SLA: variants seen among roughly 807,000 people sequenced by gnomAD.
The protein encoded by SLA is src-like-adapter.
SLA carries 16 observed loss-of-function variants against 30.3 expected under a neutral mutation model. That is an observed-to-expected ratio of 0.53 (90% CI 0.36 to 0.80). The LOEUF (loss-of-function observed/expected upper bound fraction) is 0.80. Ranked by LOEUF, SLA falls within the 30% of genes least tolerant of loss-of-function variation. The probability of loss-of-function intolerance (pLI) is 0.01; values close to 1 mark genes in which losing one functional copy is unlikely to be tolerated. For synonymous variants in SLA, 143 were observed against 137.8 expected, an observed-to-expected ratio of 1.04 and a Z score of -0.26; for missense variants, 310 against 345.2, an observed-to-expected ratio of 0.90 and a Z score of 0.81.
At chr8:133,091,820 A>T (rs958361381) in intron 1 of SLA, among the ~76,000 whole-genome samples, 2 of 151,100 alleles carry the variant, frequency 1.3e-5, no homozygotes, top group African/African-American at 4.9e-5. Context: ...CCATGAGTGT[A>T]TGCCTGTGAG....
At chr8:133,071,860 G>T (rs1024263714) in intron 2 of SLA, among the ~76,000 whole-genome samples, 5 of 152,164 alleles carry the variant, frequency 3.3e-5, no homozygotes, top group Non-Finnish European at 7.3e-5. Flanking sequence ...AACTTTCTTA[G>T]GATAGGGTTC....
rs1226086471 is a variant in SLA at position 133,059,999 on chromosome 8, T to C, written c.61+101A>G. 4 of 1,190,924 alleles carry C rather than the reference T, an allele frequency of 3.4e-6. No individual in the cohort carries two copies. In the Admixed American group the frequency reaches 7.9e-5, roughly 23 times the overall value. 73.8% of individuals were successfully genotyped at this position (1,190,924 alleles called of 1,614,324 possible). A position where few individuals can be genotyped will look rare whatever the true frequency, so the allele number is the denominator to read the frequency against. On this transcript the variant is annotated intron_variant, in intron 3 of 8. Transcript: ENST00000338087. ...GATATAATGAGCCCTTCGGTACCCA[T>C]TGCCCCATTTAAGTAGTTACCGGCA...
chr8:133,072,408 G>A (rs939378348), intron 2 of SLA, among the ~76,000 whole-genome samples: 9 of 152,086 alleles, frequency 5.9e-5, no homozygotes, highest in African/African-American at 2.2e-4. Context: ...TGACCTCAAT[G>A]GATATTTTAT....
chr8:133,052,359 T>C (rs1840573566), intron 3 of SLA, among the ~76,000 whole-genome samples: 1 of 152,224 alleles, frequency 6.6e-6, no homozygotes, highest in Non-Finnish European at 1.5e-5. Context: ...CAATAAGCCA[T>C]GTAAAAGCAA....
rs191605668 is a variant in SLA at position 133,038,917 on chromosome 8, G to A, written c.618-180C>T. 2.6e-3 allele frequency among the ~76,000 whole-genome samples: 401 copies of A among 152,242 alleles called. 1 individual carries two copies. The highest frequency in any genetic ancestry group is 3.9e-3 in the Non-Finnish European group (264 of 68,020). ...TTTTAAGATGGAGTCTCGCTCTGTT[G>A]CCCAGGCTGGAGTGCAGTGGTGCAA... On this transcript the variant is annotated intron_variant, in intron 8 of 8. Coordinates refer to ENST00000338087, the MANE Select transcript of SLA (RefSeq NM_001045556.3).
Position 133,038,226 on chromosome 8 carries a change from T to G in SLA, c.*298A>C. Reference sequence around the variant, plus strand: ...GGTGCCCTTTCTTGTGAGAGTGGCTTTGTCCTTCCCACACACACAATGTGT... The same window carrying G: ...GGTGCCCTTTCTTGTGAGAGTGGCTGTGTCCTTCCCACACACACAATGTGT... On this transcript the variant is annotated 3_prime_UTR_variant, in exon 9 of 9. Transcript: ENST00000338087. The G allele has an allele frequency of 2.5e-6, 1 of 402,764 alleles. No homozygotes were observed. The allele number at this position is 402,764 out of a possible 1,614,324, so 24.9% of individuals were successfully genotyped here.
chr8:133,093,840 T>G (rs1847972563), intron 1 of SLA, among the ~76,000 whole-genome samples: 1 of 152,142 alleles, frequency 6.6e-6, no homozygotes, highest in Admixed American at 6.5e-5. Flanking sequence ...CTAACATAAC[T>G]GTTACATGGG....
At chr8:133,095,074 A>T (rs1454918638) in intron 1 of SLA, 1 of 1,614,130 alleles carries the variant, frequency 6.2e-7, no homozygotes. Flanking sequence ...GGCCGCCGTC[A>T]TCAGCCATGA....
At chr8:133,075,423 C>G (rs1844715756) in intron 1 of SLA, among the ~76,000 whole-genome samples, 1 of 152,114 alleles carries the variant, frequency 6.6e-6, no homozygotes, top group Non-Finnish European at 1.5e-5. Context: ...TAAAGAGACA[C>G]AATGACTTGG....
chr8:133,053,076 C>T lies in SLA; in HGVS notation c.62-2161G>A, dbSNP rs2739181. On this transcript the variant is annotated intron_variant, in intron 3 of 8. Transcript: ENST00000338087. ...CAGGCACCCTGGTTCTCAGAGCCTC[C>T]GGATAGGCTGTTCCCTCTGCCTGGA... Among the ~76,000 whole-genome samples, 1,388 of 152,290 alleles carry T rather than the reference C, an allele frequency of 9.1e-3. 25 individuals are homozygous for T. The highest frequency in any genetic ancestry group is 0.035 in the South Asian group (169 of 4,820).
At chr8:133,043,099 C>A (rs1838627713) in intron 7 of SLA, among the ~76,000 whole-genome samples, 1 of 152,108 alleles carries the variant, frequency 6.6e-6, no homozygotes, top group African/African-American at 2.4e-5. Context: ...TTACCCTTTT[C>A]AGTTATTCAC....
intron 1 of SLA, chr8:133,094,722 C>T (rs577897511): frequency 2.5e-5 from 10 of 407,938 alleles, no homozygotes; most frequent in Middle Eastern, 7.8e-4. Flanking sequence ...CCACAATCTC[C>T]GATCCTCTTA....
Position 133,045,018 on chromosome 8 carries a change from G to C in SLA, c.450C>G (p.Phe150Leu). The C allele has an allele frequency of 6.2e-7, 1 of 1,614,164 alleles. No individual in the cohort carries two copies. Among genetic ancestry groups the C allele is most frequent in the South Asian group, 1.1e-5 (1 of 91,078 alleles). ...NWYYISPRLT[F>L]QCLEDLVNHY... ...GGTTCACCAGGTCCTCCAGGCACTG[G>C]AAGGTGAGCCTCGGGGAAATGTAGT... The change falls in exon 7 of 9, where the codon TTC (phenylalanine) becomes TTG (leucine). Residue 150 changes from phenylalanine to leucine, a missense_variant. Transcript: ENST00000338087.
rs555888852 is a variant in SLA at position 133,037,706 on chromosome 8, A to G, written c.*818T>C. 1 of 152,154 alleles carries G rather than the reference A, an allele frequency of 6.6e-6. No individual in the cohort carries two copies. The highest frequency in any genetic ancestry group is 2.1e-4 in the South Asian group (1 of 4,822). 9.4% of individuals were successfully genotyped at this position (152,154 alleles called of 1,614,324 possible). ...AATGCAATGCCTATTCGGGCAATAA[A>G]TGAATACTTGATGCATTCATACAGG... On this transcript the variant is annotated 3_prime_UTR_variant, in exon 9 of 9. Coordinates refer to ENST00000338087, the MANE Select transcript of SLA (RefSeq NM_001045556.3).
chr8:133,081,160 G>A (rs1294917788), intron 1 of SLA, among the ~76,000 whole-genome samples: 1 of 152,246 alleles, frequency 6.6e-6, no homozygotes, highest in African/African-American at 2.4e-5. Flanking sequence ...GCATAGGACG[G>A]GACCCACCAG....
intron 2 of SLA, among the ~76,000 whole-genome samples, chr8:133,070,771 A>G (rs1185643938): frequency 6.6e-6 from 1 of 152,224 alleles, no homozygotes; most frequent in Non-Finnish European, 1.5e-5. Flanking sequence ...AGGAGAATGC[A>G]CACAGGCCTG....
intron 2 of SLA, among the ~76,000 whole-genome samples, chr8:133,067,142 T>A (rs1249406947): frequency 6.6e-6 from 1 of 151,800 alleles, no homozygotes; most frequent in African/African-American, 2.4e-5. Flanking sequence ...CTGGCAGGAT[T>A]TCCGGGGTCA....
At chr8:133,065,424 A>G (rs543459937) in intron 2 of SLA, among the ~76,000 whole-genome samples, 1 of 152,316 alleles carries the variant, frequency 6.6e-6, no homozygotes, top group African/African-American at 2.4e-5. Context: ...CTGACAGAAA[A>G]GAAGAGATTT....
chr8:133,070,345 T>C (rs1843810912), intron 2 of SLA, among the ~76,000 whole-genome samples: 1 of 145,006 alleles, frequency 6.9e-6, no homozygotes, highest in Non-Finnish European at 1.6e-5. Flanking sequence ...AGCATCTGTT[T>C]TTGGAACAGT....
Sources: allele counts gnomAD v4.1 joint callset (sites outside exome capture counted in the v4.1 genomes callset), GRCh38; gene constraint gnomAD v4.1.1; transcripts MANE v1.5; gene names NCBI Gene and HGNC (gene_info 2026-07-23, HGNC 2026-07-21).